Variants in ATP8B4 observed in about 807,000 individuals in gnomAD.
ATP8B4 encodes the protein ATPase phospholipid transporting 8B4 (putative).
In ATP8B4, 133 loss-of-function variants were observed where a neutral mutation model predicts 145.6. The ratio of observed to expected loss-of-function variants is 0.91; its 90% CI spans 0.79 to 1.05. The LOEUF is 1.05. ATP8B4 is among the 50% of genes least tolerant of loss of function. The pLI is 0.00. For missense variants in ATP8B4, 1,458 were observed against 1,425.2 expected (o/e 1.02, Z -0.37); for synonymous variants, 507 against 492.9 (o/e 1.03, Z -0.38).
chr15:49,972,641 C>T lies in ATP8B4; in HGVS notation c.1184G>A (p.Gly395Asp), dbSNP rs781672064. ...QIEYIFSDKT[G>D]TLTQNIMTFK... is the part of the protein sequence containing the mutation. ...GGTCATGATGTTTTGAGTGAGGGTA[C>T]CCGTTTTGTCGGAGAAAATGTACTC... The change falls in exon 13 of 28, where the codon GGT (glycine) becomes GAT (aspartate). Residue 395 changes from glycine to aspartate, a missense_variant. Physicochemically the swap from Gly to Asp is moderately conservative, Grantham distance 94. Transcript: ENST00000284509. 5 of 1,613,858 alleles carry T rather than the reference C, an allele frequency of 3.1e-6. No individual in the cohort carries two copies. Among genetic ancestry groups the T allele is most frequent in the East Asian group, 2.2e-5 (1 of 44,860 alleles).
Position 50,178,873 on chromosome 15 carries a change from G to A in ATP8B4, c.-43+3388C>T, listed in dbSNP as rs76604330. ...TATAAAATAACAAATATACTGTGATGGGGGAGGGGGTTGTTCTTACTAGAA... is the reference window on the plus strand; with the variant it reads ...TATAAAATAACAAATATACTGTGATAGGGGAGGGGGTTGTTCTTACTAGAA... On this transcript the variant is annotated intron_variant, in intron 1 of 3. Coordinates refer to the ATP8B4 transcript ENST00000558829. Among the ~76,000 whole-genome samples, 288 of 152,254 alleles carry A rather than the reference G, an allele frequency of 1.9e-3. 1 individual carries two copies. Among genetic ancestry groups the A allele is most frequent in the African/African-American group, 6.6e-3 (273 of 41,550 alleles).
intron 16 of ATP8B4, among the ~76,000 whole-genome samples, chr15:49,925,497 A>T (rs2040631472): frequency 6.6e-6 from 1 of 152,198 alleles, no homozygotes; most frequent in Non-Finnish European, 1.5e-5. Context: ...TGAAAAACTC[A>T]CAAAGTTCCC....
intron 1 of ATP8B4, among the ~76,000 whole-genome samples, chr15:50,164,237 G>C (rs2044563784): frequency 6.6e-6 from 1 of 152,132 alleles, no homozygotes; most frequent in Non-Finnish European, 1.5e-5. Flanking sequence ...GAATGTGTTG[G>C]GTTACACCTG....
intron 2 of ATP8B4, among the ~76,000 whole-genome samples, chr15:50,102,636 A>C (rs180728815): frequency 9.9e-5 from 15 of 152,158 alleles, no homozygotes. Flanking sequence ...CCAGGATCAC[A>C]AGAATTCACA....
chr15:49,934,074 C>A lies in ATP8B4; in HGVS notation c.1396G>T (p.Glu466Ter), dbSNP rs1471415824. 4 of 1,612,736 alleles carry A rather than the reference C, an allele frequency of 2.5e-6. No individual in the cohort carries two copies. Among genetic ancestry groups the A allele is most frequent in the Non-Finnish European group, 3.4e-6 (4 of 1,179,170 alleles). The change falls in exon 15 of 28, where the codon GAA (glutamate) becomes TAA (stop). Residue 466 changes from glutamate to a stop codon, truncating the protein, a stop_gained. Transcript: ENST00000284509. LOFTEE classifies it high-confidence loss of function. ...SIKMGDPKVH[E>*]FLRLLALCHT... ...CAGAGAGCAAGTAACCTAAGGAATTCATGAACTTTGGGATCACCCATTTTA... is the reference window on the plus strand; with the variant it reads ...CAGAGAGCAAGTAACCTAAGGAATTAATGAACTTTGGGATCACCCATTTTA...
At chr15:50,109,369 TCAAAAAACAAA>T (rs1423068818) in intron 1 of ATP8B4, among the ~76,000 whole-genome samples, 11 of 152,150 alleles carry the variant, frequency 7.2e-5, no homozygotes, top group Non-Finnish European at 1.2e-4. Flanking sequence ...CACAAAATAC[TCAAAAAACAAA>T]CAAAAAACAA....
chr15:50,170,529 AG>A (rs1175592541), intron 1 of ATP8B4, among the ~76,000 whole-genome samples: 1 of 134,800 alleles, frequency 7.4e-6, no homozygotes, highest in Non-Finnish European at 1.6e-5. Flanking sequence ...TGCTAAAGGG[AG>A]CCCTAAATCT....
At chr15:50,148,403 A>T (rs1249818401) in intron 1 of ATP8B4, among the ~76,000 whole-genome samples, 1 of 152,152 alleles carries the variant, frequency 6.6e-6, no homozygotes. Context: ...GTCCCCTCCA[A>T]AATGTAGGTG....
chr15:49,983,554 T>A (rs1267446345), intron 10 of ATP8B4, among the ~76,000 whole-genome samples: 1 of 152,184 alleles, frequency 6.6e-6, no homozygotes, highest in Non-Finnish European at 1.5e-5. Flanking sequence ...TCTCCCTGTA[T>A]CCACTCTGCC....
intron 14 of ATP8B4, among the ~76,000 whole-genome samples, chr15:49,936,166 T>G (rs1355919093): frequency 6.6e-6 from 1 of 152,068 alleles, no homozygotes; most frequent in Non-Finnish European, 1.5e-5. Context: ...AATGTGCACT[T>G]TGTTATATGG....
intron 20 of ATP8B4, 122 bp from the exon 21 acceptor site, chr15:49,901,361 A>C: frequency 9.6e-7 from 1 of 1,038,286 alleles, no homozygotes; most frequent in Non-Finnish European, 1.4e-6. Context: ...ATATGGCATA[A>C]GACCCAGTTT....
chr15:50,095,504 G>A (rs1434905776), intron 2 of ATP8B4, among the ~76,000 whole-genome samples: 1 of 152,148 alleles, frequency 6.6e-6, no homozygotes, highest in African/African-American at 2.4e-5. Context: ...ACCTGTAATT[G>A]TTAACACTTT....
At chr15:50,089,340 CA>C (rs1257381354) in intron 2 of ATP8B4, among the ~76,000 whole-genome samples, 1 of 152,118 alleles carries the variant, frequency 6.6e-6, no homozygotes, top group African/African-American at 2.4e-5. Context: ...AGTGAACAGA[CA>C]GCCTACAGAA....
At position 50,128,149 on chromosome 15, in the gene ATP8B4, A is replaced by G. The variant is rs2057319295; in HGVS notation, c.-42-21141T>C. 2.0e-5 allele frequency among the ~76,000 whole-genome samples: 3 copies of G among 152,242 alleles called. No individual in the cohort carries two copies. In the South Asian group the frequency reaches 6.2e-4, roughly 31 times the overall value. On this transcript the variant is annotated intron_variant, in intron 1 of 3. Coordinates refer to the ATP8B4 transcript ENST00000558829. ...ATCACCCCAGAAAAGCAGGAGGAACACTTATGGAGTTAAGTCATGCCAGAG... is the reference window on the plus strand; with the variant it reads ...ATCACCCCAGAAAAGCAGGAGGAACGCTTATGGAGTTAAGTCATGCCAGAG...
At chr15:50,142,913 TC>T (rs977270908) in intron 1 of ATP8B4, among the ~76,000 whole-genome samples, 5 of 152,162 alleles carry the variant, frequency 3.3e-5, no homozygotes, top group Non-Finnish European at 7.3e-5. Flanking sequence ...TCTACTATCC[TC>T]CCTTTTGAGA....
At chr15:49,991,625 A>G (rs923663841) in intron 9 of ATP8B4, among the ~76,000 whole-genome samples, 3 of 152,166 alleles carry the variant, frequency 2.0e-5, no homozygotes, top group Non-Finnish European at 4.4e-5. Context: ...AAAATTCAAG[A>G]GACCATAAAT....
chr15:49,909,722 C>CAAAAA (rs995336781), intron 20 of ATP8B4, among the ~76,000 whole-genome samples: 59 of 71,738 alleles, frequency 8.2e-4, no homozygotes, highest in African/African-American at 1.6e-3. Flanking sequence ...CTTTGTTTAC[C>CAAAAA]AAAAAAAAAA....
At chr15:49,980,101 T>G (rs2153533273) in intron 11 of ATP8B4, among the ~76,000 whole-genome samples, 1 of 152,304 alleles carries the variant, frequency 6.6e-6, no homozygotes, top group East Asian at 1.9e-4. Context: ...CTATGTAACT[T>G]GTCTATGTTC....
intron 1 of ATP8B4, among the ~76,000 whole-genome samples, chr15:50,112,027 TA>T (rs2056972103): frequency 6.6e-6 from 1 of 151,914 alleles, no homozygotes; most frequent in Non-Finnish European, 1.5e-5. Flanking sequence ...TAAATGGACA[TA>T]AGGGTGAACA....
Sources: allele counts gnomAD v4.1 joint callset (sites outside exome capture counted in the v4.1 genomes callset), GRCh38; gene constraint gnomAD v4.1.1; transcripts MANE v1.5; gene names NCBI Gene and HGNC (gene_info 2026-07-23, HGNC 2026-07-21).